Variants in SEPTIN14 observed in about 807,000 individuals in gnomAD.
SEPTIN14 encodes the protein septin-14.
In SEPTIN14, 40 loss-of-function variants were observed where a neutral mutation model predicts 53.6. The ratio of observed to expected loss-of-function variants is 0.75; its 90% CI spans 0.58 to 0.97. The LOEUF (loss-of-function observed/expected upper bound fraction) is 0.97. SEPTIN14 is among the 50% of genes least tolerant of loss of function. The probability of loss-of-function intolerance (pLI) is 0.00; values close to 1 mark genes in which losing one functional copy is unlikely to be tolerated. For synonymous variants in SEPTIN14, 138 were observed against 166.8 expected, an observed-to-expected ratio of 0.83 and a Z score of 1.33; for missense variants, 471 against 508.2, an observed-to-expected ratio of 0.93 and a Z score of 0.70.
rs954255091 is a variant in SEPTIN14 at position 55,846,763 on chromosome 7, A to C, written c.55-126T>G. ...TCATTTGCTTATCATACCTCAGACA[A>C]GATGCAAATATATTAAGTAAATTTG... On this transcript the variant is annotated intron_variant, in intron 2 of 9. Coordinates refer to ENST00000388975, the MANE Select transcript of SEPTIN14 (RefSeq NM_207366.3). 9.0e-6 allele frequency: 5 copies of C among 557,504 alleles called. No individual in the cohort carries two copies. In the African/African-American group the frequency reaches 9.7e-5, roughly 11 times the overall value. 34.5% of individuals were successfully genotyped at this position (557,504 alleles called of 1,614,324 possible).
At chr7:55,799,254 C>G (rs1788483895) in intron 9 of SEPTIN14, among the ~76,000 whole-genome samples, 1 of 151,536 alleles carries the variant, frequency 6.6e-6, no homozygotes, top group Non-Finnish European at 1.5e-5. Context: ...GCCTGTAATC[C>G]CAGCACTTTG....
At chr7:55,835,376 G>A (rs1789187485) in intron 5 of SEPTIN14, among the ~76,000 whole-genome samples, 1 of 151,216 alleles carries the variant, frequency 6.6e-6, no homozygotes. Context: ...CTACTTTTTG[G>A]TATTTTTAGT....
chr7:55,800,793 C>G (rs1390357880), intron 9 of SEPTIN14, among the ~76,000 whole-genome samples: 3 of 152,044 alleles, frequency 2.0e-5, no homozygotes, highest in African/African-American at 7.2e-5. Flanking sequence ...TCACTATACA[C>G]AATAATAATT....
At chr7:55,851,579 G>T (rs1554332138) in intron 2 of SEPTIN14, among the ~76,000 whole-genome samples, 1 of 151,660 alleles carries the variant, frequency 6.6e-6, no homozygotes, top group Non-Finnish European at 1.5e-5. Context: ...AAATTGAAAA[G>T]GACACAAAAA....
Position 55,839,702 on chromosome 7 carries a change from C to T in SEPTIN14, c.558+3240G>A, listed in dbSNP as rs557342870. 2.0e-5 allele frequency among the ~76,000 whole-genome samples: 3 copies of T among 152,264 alleles called. No individual in the cohort carries two copies. In the South Asian group the frequency reaches 6.2e-4, roughly 32 times the overall value. On this transcript the variant is annotated intron_variant, in intron 5 of 9. Coordinates refer to ENST00000388975, the MANE Select transcript of SEPTIN14 (RefSeq NM_207366.3). ...AGGGTGCTACTCTATAGGCAAATGG[C>T]CATGATCTGGGAGGTAAGTCAAGGT...
chr7:55,846,083 ATATATATATG>A (rs1486085701), intron 3 of SEPTIN14, among the ~76,000 whole-genome samples: 3 of 122,472 alleles, frequency 2.4e-5, no homozygotes, highest in African/African-American at 8.8e-5. Context: ...ATATATATAT[ATATATATATG>A]TATACATGCT....
chr7:55,807,936 A>C (rs1253216644), intron 7 of SEPTIN14, among the ~76,000 whole-genome samples: 1 of 152,172 alleles, frequency 6.6e-6, no homozygotes, highest in Non-Finnish European at 1.5e-5. Context: ...CATGATGAAG[A>C]GGTCAGTTCA....
At chr7:55,858,867 A>C (rs1007004319) in intron 2 of SEPTIN14, among the ~76,000 whole-genome samples, 8 of 152,182 alleles carry the variant, frequency 5.3e-5, no homozygotes, top group Non-Finnish European at 1.0e-4. Context: ...TCTCAAGCCC[A>C]GCTTTACTCA....
chr7:55,842,907 C>CAAA, intron 5 of SEPTIN14, 35 bp downstream of exon 5: 10 of 1,073,550 alleles, frequency 9.3e-6, no homozygotes, highest in South Asian at 3.9e-5. Context: ...GACTCCGTCT[C>CAAA]AAAAAAAAAA....
intron 7 of SEPTIN14, among the ~76,000 whole-genome samples, chr7:55,815,533 T>C (rs1433378459): frequency 6.6e-6 from 1 of 152,194 alleles, no homozygotes; most frequent in East Asian, 1.9e-4. Flanking sequence ...ATAACTGTTT[T>C]AACATGTGTG....
chr7:55,804,969 G>A (rs1788589439), intron 9 of SEPTIN14, among the ~76,000 whole-genome samples: 2 of 151,992 alleles, frequency 1.3e-5, no homozygotes, highest in African/African-American at 4.8e-5. Flanking sequence ...AATAGCTTGG[G>A]TTTGTCACAA....
At chr7:55,817,289 C>T (rs1788808927) in intron 7 of SEPTIN14, among the ~76,000 whole-genome samples, 2 of 151,906 alleles carry the variant, frequency 1.3e-5, no homozygotes, top group South Asian at 4.1e-4. Context: ...ACTAATAGAT[C>T]AAATTTTTAA....
At chr7:55,822,505 C>A (rs994011666) in intron 6 of SEPTIN14, among the ~76,000 whole-genome samples, 3 of 151,292 alleles carry the variant, frequency 2.0e-5, no homozygotes, top group African/African-American at 7.4e-5. Context: ...GGATTCACTG[C>A]AAAGCCATAG....
At chr7:55,806,464 T>C (rs1788611581) in intron 8 of SEPTIN14, among the ~76,000 whole-genome samples, 1 of 113,656 alleles carries the variant, frequency 8.8e-6, no homozygotes, top group Admixed American at 7.8e-5. Context: ...CCTTTCTTTT[T>C]TTTTCTTTTT....
At chr7:55,799,518 CAAAAAAAAAAA>C (rs59445168) in intron 9 of SEPTIN14, among the ~76,000 whole-genome samples, 11 of 62,896 alleles carry the variant, frequency 1.7e-4, no homozygotes, top group African/African-American at 4.4e-4. Context: ...ACTCTTGTCT[CAAAAAAAAAAA>C]AAAAAAAAAA....
chr7:55,857,417 GAA>G (rs1366153237), intron 2 of SEPTIN14, among the ~76,000 whole-genome samples: 2 of 131,774 alleles, frequency 1.5e-5, no homozygotes, highest in Admixed American at 8.2e-5. Flanking sequence ...AGAAGAGAAA[GAA>G]GAGAGAGAAG....
chr7:55,827,374 G>A (rs1481653591), intron 6 of SEPTIN14, among the ~76,000 whole-genome samples: 1 of 152,214 alleles, frequency 6.6e-6, no homozygotes, highest in Non-Finnish European at 1.5e-5. Flanking sequence ...AGAGCCACAA[G>A]ACAGGCATTT....
At chr7:55,842,270 T>C (rs1022793639) in intron 5 of SEPTIN14, among the ~76,000 whole-genome samples, 1 of 152,044 alleles carries the variant, frequency 6.6e-6, no homozygotes, top group African/African-American at 2.4e-5. Context: ...TGCATGCAAG[T>C]GCCTTCAAGA....
intron 1 of SEPTIN14, 148 bp from the exon 2 acceptor site, chr7:55,862,159 G>A: frequency 1.7e-6 from 1 of 578,972 alleles, no homozygotes; most frequent in Non-Finnish European, 3.0e-6. Flanking sequence ...TTAAACTGTG[G>A]CTGTCTTGCT....
Sources: allele counts gnomAD v4.1 joint callset (sites outside exome capture counted in the v4.1 genomes callset), GRCh38; gene constraint gnomAD v4.1.1; transcripts MANE v1.5; gene names NCBI Gene and HGNC (gene_info 2026-07-23, HGNC 2026-07-21).